Variants in RIF1 observed in about 807,000 individuals in gnomAD.
The protein encoded by RIF1 is telomere-associated protein RIF1.
Under a neutral mutation model 247.1 loss-of-function variants are expected in RIF1, and 45 were observed. The ratio of observed to expected loss-of-function variants is 0.18; its 90% CI spans 0.14 to 0.23. The LOEUF is 0.23. Ranked by LOEUF, RIF1 falls within the 10% of genes least tolerant of loss-of-function variation. The probability of loss-of-function intolerance (pLI) is 1.00; values close to 1 mark genes in which losing one functional copy is unlikely to be tolerated. For missense variants in RIF1, 2,967 were observed against 2,862.5 expected (o/e 1.04, Z -0.83); for synonymous variants, 1,087 against 978.8 (o/e 1.11, Z -2.06).
intron 27 of RIF1, 65 bp from the exon 28 acceptor site, chr2:151,462,177 G>C (rs771616749): frequency 1.7e-6 from 2 of 1,208,984 alleles, no homozygotes; most frequent in African/African-American, 3.1e-5. Context: ...CTGGCCATAA[G>C]TTTAATTTCT....
intron 11 of RIF1, among the ~76,000 whole-genome samples, chr2:151,502,229 A>G (rs4233649): frequency 0.64 from 97,355 of 151,922 alleles, 31,538 homozygotes; most frequent in East Asian, 0.77. Flanking sequence ...GAAAGAGTGG[A>G]AGTGAGGCGA....
At chr2:151,421,399 G>T (rs1688140789) in intron 7 of RIF1, among the ~76,000 whole-genome samples, 2 of 152,174 alleles carry the variant, frequency 1.3e-5, no homozygotes, top group Admixed American at 6.5e-5. Flanking sequence ...AGGGCAAAAG[G>T]CCCTGCTCTA....
chr2:151,526,338 G>C, the RIF1 span: 3 of 984,890 alleles, frequency 3.0e-6, no homozygotes, highest in Non-Finnish European at 4.8e-6. Context: ...CCTCAAACCA[G>C]TAGAACAGCA....
intron 10 of RIF1, among the ~76,000 whole-genome samples, chr2:151,496,780 G>C (rs115826291): frequency 6.6e-6 from 1 of 152,146 alleles, no homozygotes; most frequent in African/African-American, 2.4e-5. Flanking sequence ...TATGGAAATG[G>C]TGTTAGGCTA....
At chr2:151,448,965 G>GA (rs1488146684) in intron 20 of RIF1, among the ~76,000 whole-genome samples, 3 of 152,176 alleles carry the variant, frequency 2.0e-5, no homozygotes, top group African/African-American at 7.2e-5. Context: ...ACCCTGTTGA[G>GA]ATTTTGCTTG....
chr2:151,527,453 A>G, the RIF1 span: 7 of 1,512,738 alleles, frequency 4.6e-6, no homozygotes, highest in Non-Finnish European at 6.4e-6. Context: ...GTATGCAGTT[A>G]CAATCGTCTG....
chr2:151,472,093 G>A (rs1442852980), intron 34 of RIF1, among the ~76,000 whole-genome samples: 1 of 152,132 alleles, frequency 6.6e-6, no homozygotes, highest in Non-Finnish European at 1.5e-5. Context: ...CACGTCCCTT[G>A]TAAGTTGGAT....
chr2:151,423,919 C>G (rs1688573830), intron 8 of RIF1, among the ~76,000 whole-genome samples: 1 of 152,064 alleles, frequency 6.6e-6, no homozygotes, highest in African/African-American at 2.4e-5. Flanking sequence ...GTGCATCATC[C>G]CTAACAAAAA....
chr2:151,423,801 T>C (rs1296037453), intron 8 of RIF1: 4 of 152,246 alleles, frequency 2.6e-5, no homozygotes, highest in Non-Finnish European at 5.9e-5. Flanking sequence ...GTGTGCTGCT[T>C]TTATTGTGGT....
intron 9 of RIF1, chr2:151,492,361 C>T (rs375199303): frequency 6.3e-7 from 1 of 1,589,944 alleles, no homozygotes; most frequent in East Asian, 2.2e-5. Context: ...AGGCAGCCAG[C>T]CAATCCTAAA....
intron 8 of RIF1, among the ~76,000 whole-genome samples, chr2:151,424,644 C>G (rs1573908451): frequency 6.6e-6 from 1 of 151,678 alleles, no homozygotes; most frequent in South Asian, 2.1e-4. Context: ...TGTAGTAGTT[C>G]TATGCTTAAC....
chr2:151,453,539 T>C (rs1418305169), intron 21 of RIF1, among the ~76,000 whole-genome samples: 1 of 133,958 alleles, frequency 7.5e-6, no homozygotes, highest in Non-Finnish European at 1.5e-5. Context: ...ATCATGCCAC[T>C]GCACTCCACC....
At chr2:151,467,874 G>A in intron 30 of RIF1, 126 bp from the exon 31 acceptor site, 1 of 793,064 alleles carries the variant, frequency 1.3e-6, no homozygotes. Flanking sequence ...CTGTGCAGCT[G>A]ACTTCTGGTG....
chr2:151,506,100 CAT>C, intron 12 of RIF1: 1 of 1,353,610 alleles, frequency 7.4e-7, no homozygotes, highest in Admixed American at 1.7e-5. Flanking sequence ...GAGTGCAACT[CAT>C]AGGTCATTGT....
the RIF1 span, chr2:151,519,867 C>CATAG: frequency 2.7e-6 from 2 of 742,018 alleles, no homozygotes; most frequent in East Asian, 5.1e-5. Flanking sequence ...ATGCATTGTA[C>CATAG]ATAGAGTGAT....
intron 20 of RIF1, among the ~76,000 whole-genome samples, chr2:151,447,879 ATTAT>A (rs956205306): frequency 2.0e-5 from 3 of 151,970 alleles, no homozygotes; most frequent in African/African-American, 4.8e-5. Context: ...GTTTTTTTCT[ATTAT>A]TTATTACTGT....
intron 13 of RIF1, chr2:151,506,779 C>A: frequency 1.5e-6 from 1 of 648,912 alleles, no homozygotes; most frequent in Non-Finnish European, 2.7e-6. Flanking sequence ...GGGATTTTAG[C>A]AAATCACTGC....
chr2:151,476,951 T>C lies in RIF1; in HGVS notation c.*1880T>C, dbSNP rs1334791033. 1.3e-5 allele frequency: 2 copies of C among 151,890 alleles called. No homozygotes were observed. The highest frequency in any genetic ancestry group is 2.9e-5 in the Non-Finnish European group (2 of 67,880). The allele number at this position is 151,890 out of a possible 1,614,324, so 9.4% of individuals were successfully genotyped here. A position where few individuals can be genotyped will look rare whatever the true frequency, so the allele number is the denominator to read the frequency against. On this transcript the variant is annotated 3_prime_UTR_variant, in exon 36 of 36. Coordinates refer to ENST00000444746, the MANE Select transcript of RIF1 (RefSeq NM_018151.5). ...TAACGTTTGTGTGAACTAAACTTGC[T>C]GATTGAATGAAATTCTTGGGAAGCC... is the stretch of plus-strand genomic sequence containing the variant.
rs536038058 is a variant in RIF1 at position 151,481,613 on chromosome 2, G to A, written c.*6542G>A. ...TTACATTCACAAAGTATTTGTATTT[G>A]ATAAGTCTTAAAAATGATTTAAGTT... On this transcript the variant is annotated 3_prime_UTR_variant, in exon 36 of 36. Transcript: ENST00000444746. The A allele has an allele frequency of 6.6e-6, 1 of 152,346 alleles. No homozygotes were observed. Among genetic ancestry groups the A allele is most frequent in the East Asian group, 1.9e-4 (1 of 5,184 alleles). The allele number at this position is 152,346 out of a possible 1,614,324, so 9.4% of individuals were successfully genotyped here.
Sources: allele counts gnomAD v4.1 joint callset (sites outside exome capture counted in the v4.1 genomes callset), GRCh38; gene constraint gnomAD v4.1.1; transcripts MANE v1.5; gene names NCBI Gene and HGNC (gene_info 2026-07-23, HGNC 2026-07-21).